The following PCDH12 variants were observed in gnomAD, a reference collection of about 807,000 sequenced individuals.
PCDH12 encodes the protein protocadherin-12.
PCDH12 carries 45 observed loss-of-function variants against 70.9 expected under a neutral mutation model. That is an observed-to-expected ratio of 0.63 (90% CI 0.50 to 0.81). The LOEUF (loss-of-function observed/expected upper bound fraction) is 0.81, where lower values mean the gene tolerates loss of function less well. Among genes scored for constraint, PCDH12 ranks in the 40% least tolerant of loss-of-function variants. The pLI is 0.00. For missense variants in PCDH12, 1,370 were observed against 1,491.7 expected (o/e 0.92, Z 1.34); for synonymous variants, 567 against 626.0 (o/e 0.91, Z 1.41).
In PCDH12 at chr5:141,956,578, T is replaced by A; in HGVS notation, c.1274A>T (p.Lys425Ile). 6.2e-7 allele frequency: 1 copy of A among 1,614,200 alleles called. No homozygotes were observed. The highest frequency in any genetic ancestry group is 8.5e-7 in the Non-Finnish European group (1 of 1,180,044). The change falls in exon 1 of 4, where the codon AAA (lysine) becomes ATA (isoleucine). Residue 425 changes from lysine (K) to isoleucine (I), a missense_variant. Lys to Ile is a moderately radical substitution (Grantham distance 102). Transcript: ENST00000231484. The stretch of plus-strand genomic sequence containing the variant: ...TTGGGCTAACAGAGTGAGGGTATAT[T>A]TGGGCCACTGCTCTCTGTCCAGTGT... ...NATLDREQWP[K>I]YTLTLLAQDQ...
In PCDH12 at chr5:141,956,845, C is replaced by G; in HGVS notation, c.1007G>C (p.Cys336Ser). The G allele has an allele frequency of 6.2e-7, 1 of 1,614,228 alleles. No homozygotes were observed. Among genetic ancestry groups the G allele is most frequent in the Non-Finnish European group, 8.5e-7 (1 of 1,180,042 alleles). ...DLGPNPIPAH[C>S]KVLIKVLDVN... ...ATCCAGAACCTTGATGAGAACTTTG[C>G]AATGGGCTGGGATAGGATTGGGACC... The change falls in exon 1 of 4, where the codon TGC becomes TCC. Residue 336 changes from cysteine to serine, a missense_variant. By Grantham distance (112) the Cys-to-Ser change is moderately radical (BLOSUM62 -1). Transcript: ENST00000231484.
intron 3 of PCDH12, among the ~76,000 whole-genome samples, chr5:141,947,108 T>A (rs1752954972): frequency 1.3e-5 from 2 of 152,232 alleles, no homozygotes; most frequent in South Asian, 4.1e-4. Flanking sequence ...CTTATGTAAT[T>A]TGAACAAGTT....
At chr5:141,951,445 C>T (rs1358039274) in intron 2 of PCDH12, 48 bp downstream of exon 2, 17 of 1,383,500 alleles carry the variant, frequency 1.2e-5, no homozygotes, top group East Asian at 1.1e-4. Context: ...TGATGAGGGG[C>T]GGCCAGTAGG....
At position 141,957,348 on chromosome 5, in the gene PCDH12, G is replaced by A; in HGVS notation, c.504C>T (p.Thr168=). Residue 168 remains threonine (T), a synonymous_variant, in exon 1 of 4, where the codon ACC becomes ACT. Transcript: ENST00000231484. The surrounding 1 kb of genome is among the most constrained non-coding windows in gnomAD (Gnocchi z 4.3). ...RALDPDTGPN[T]LHTYTLSPSE... is the part of the protein sequence containing the mutation. ...TGGGAGACAGAGTGTAGGTGTGCAG[G>A]GTGTTAGGGCCTGTGTCTGGGTCAA... The A allele has an allele frequency of 1.2e-6, 2 of 1,613,802 alleles. No individual in the cohort carries two copies. The highest frequency in any genetic ancestry group is 1.7e-6 in the Non-Finnish European group (2 of 1,179,834).
rs1316161412 is a variant in PCDH12 at position 141,956,085 on chromosome 5, C to T, written c.1767G>A (p.Leu589=). The T allele has an allele frequency of 1.7e-5, 28 of 1,614,038 alleles. No individual in the cohort carries two copies. Among genetic ancestry groups the T allele is most frequent in the Non-Finnish European group, 2.2e-5 (26 of 1,180,018 alleles). Residue 589 remains leucine (L), a synonymous_variant, in exon 1 of 4, where the codon CTG becomes CTA. Coordinates refer to ENST00000231484, the MANE Select transcript of PCDH12 (RefSeq NM_016580.4). ...AGCCATTGGGAGTCTCGATGGGCAC[C>T]AGCAGGTGGCCTGTGGAGGCATTCA... ...VLVNASTGHL[L]VPIETPNGLG...
At chr5:141,954,387 A>C (rs1341398069) in intron 1 of PCDH12, among the ~76,000 whole-genome samples, 2 of 152,230 alleles carry the variant, frequency 1.3e-5, no homozygotes, top group Non-Finnish European at 2.9e-5. Flanking sequence ...GAGATGGAGA[A>C]GTGCTTTGAG....
chr5:141,955,887 C>T lies in PCDH12; in HGVS notation c.1965G>A (p.Gln655=). 1 of 1,614,206 alleles carries T rather than the reference C, an allele frequency of 6.2e-7. No homozygotes were observed. The highest frequency in any genetic ancestry group is 8.5e-7 in the Non-Finnish European group (1 of 1,180,026). ...TGGCATTGGTGACATTGACGAACAG[C>T]TGCCCCGTATGAGGGTTGAGGATGA... ...HLFILNPHTG[Q]LFVNVTNASS... The change falls in exon 1 of 4, where the codon CAG becomes CAA. Residue 655 remains glutamine, a synonymous_variant. Coordinates refer to ENST00000231484, the MANE Select transcript of PCDH12 (RefSeq NM_016580.4). This position sits in a 1 kb window ranked among gnomAD's most constrained non-coding sequence, Gnocchi z 5.5.
rs1292151134 is a variant in PCDH12 at position 141,945,119 on chromosome 5, C to G, written c.*262G>C. ...TGCCAGAGGACTGACCCTTTGTGCTCCACATATGTTTTGCCAGGAAACACT... is the reference window on the plus strand; with the variant it reads ...TGCCAGAGGACTGACCCTTTGTGCTGCACATATGTTTTGCCAGGAAACACT... On this transcript the variant is annotated 3_prime_UTR_variant, in exon 4 of 4. Coordinates refer to ENST00000231484, the MANE Select transcript of PCDH12 (RefSeq NM_016580.4). 3.8e-6 allele frequency: 2 copies of G among 526,474 alleles called. No individual in the cohort carries two copies. Among genetic ancestry groups the G allele is most frequent in the Non-Finnish European group, 6.8e-6 (2 of 296,208 alleles). The allele number at this position is 526,474 out of a possible 1,614,324, so 32.6% of individuals were successfully genotyped here.
chr5:141,951,982 A>G (rs767628988), intron 1 of PCDH12, among the ~76,000 whole-genome samples: 1 of 152,234 alleles, frequency 6.6e-6, no homozygotes, highest in Non-Finnish European at 1.5e-5. Context: ...CAGTATTTGG[A>G]CATTCGGCCA....
At chr5:141,950,461 G>C (rs1475204296) in intron 2 of PCDH12, among the ~76,000 whole-genome samples, 1 of 152,142 alleles carries the variant, frequency 6.6e-6, no homozygotes, top group Non-Finnish European at 1.5e-5. Context: ...GGCCTTATGC[G>C]ATGCAAGGTC....
chr5:141,945,020 G>C lies in PCDH12; in HGVS notation c.*361C>G, dbSNP rs1014346166. 4 of 251,424 alleles carry C rather than the reference G, an allele frequency of 1.6e-5. No individual in the cohort carries two copies. The highest frequency in any genetic ancestry group is 9.0e-5 in the African/African-American group (4 of 44,462). 15.6% of individuals were successfully genotyped at this position (251,424 alleles called of 1,614,324 possible). On this transcript the variant is annotated 3_prime_UTR_variant, in exon 4 of 4. Coordinates refer to ENST00000231484, the MANE Select transcript of PCDH12 (RefSeq NM_016580.4). ...CAGAGAGCATTTCCTGGCACCCCCAGGGTACAGCCCCCTGACTCCTGCTAC... is the reference window on the plus strand; with the variant it reads ...CAGAGAGCATTTCCTGGCACCCCCACGGTACAGCCCCCTGACTCCTGCTAC...
chr5:141,956,012 G>A lies in PCDH12; in HGVS notation c.1840C>T (p.Arg614Trp), dbSNP rs749199639. Residue 614 changes from arginine to tryptophan, a missense_variant, in exon 1 of 4, where the codon CGG (arginine) becomes TGG (tryptophan). Arg to Trp is a moderately radical substitution (Grantham distance 101). Coordinates refer to ENST00000231484, the MANE Select transcript of PCDH12 (RefSeq NM_016580.4). The stretch of plus-strand genomic sequence containing the variant: ...ACAATGGTTGTCAAAAGGAATGGCC[G>A]GGAGCTGTGAGTGGCCAGTGGAGGT... ...DTPPLATHSS[R>W]PFLLTTIVAR... 1.4e-5 allele frequency: 23 copies of A among 1,614,024 alleles called. No homozygotes were observed. Among genetic ancestry groups the A allele is most frequent in the Admixed American group, 5.0e-5 (3 of 59,998 alleles).
Position 141,956,242 on chromosome 5 carries a change from G to A in PCDH12, c.1610C>T (p.Ala537Val). ...EMAGFEFQVI[A>V]EDSGQPMLAS... ...AAGCATGGGTTGCCCGCTGTCCTCT[G>A]CGATCACCTGGAACTCAAAGCCGGC... Residue 537 changes from alanine (A) to valine (V), a missense_variant, in exon 1 of 4, where the codon GCA (alanine) becomes GTA (valine). Transcript: ENST00000231484. 2 of 1,614,200 alleles carry A rather than the reference G, an allele frequency of 1.2e-6. No homozygotes were observed. Among genetic ancestry groups the A allele is most frequent in the Non-Finnish European group, 1.7e-6 (2 of 1,180,032 alleles).
At position 141,945,449 on chromosome 5, in the gene PCDH12, C is replaced by T; in HGVS notation, c.3487G>A (p.Asp1163Asn). Residue 1163 changes from aspartate to asparagine, a missense_variant, in exon 4 of 4, where the codon GAC (aspartate) becomes AAC (asparagine). Asp to Asn is a conservative substitution (Grantham distance 23). Transcript: ENST00000231484. ...SAASGMKVQG[D>N]PGGKTGTEGK... ...TCAGTCCCCGTCTTTCCACCTGGGTCCCCTTGCACTTTCATGCCTGAGGCT... is the reference window on the plus strand; with the variant it reads ...TCAGTCCCCGTCTTTCCACCTGGGTTCCCTTGCACTTTCATGCCTGAGGCT... 1 of 1,613,350 alleles carries T rather than the reference C, an allele frequency of 6.2e-7. No homozygotes were observed. Among genetic ancestry groups the T allele is most frequent in the South Asian group, 1.1e-5 (1 of 91,030 alleles).
In PCDH12 at chr5:141,945,404, T is replaced by C. The variant is rs774165260; in HGVS notation, c.3532A>G (p.Ser1178Gly). The stretch of plus-strand genomic sequence containing the variant: ...GTTCACAGGCACCTGCTGCTGCTGC[T>C]GCTGCCTCTGCTCTTGCCCTCAGTC... Reference protein sequence around the residue: ...TGTEGKSRGSSSSSRCL With the variant: ...TGTEGKSRGSGSSSRCL The change falls in exon 4 of 4, where the codon AGC (serine) becomes GGC (glycine). Residue 1178 changes from serine (S) to glycine (G), a missense_variant. Coordinates refer to ENST00000231484, the MANE Select transcript of PCDH12 (RefSeq NM_016580.4). 12 of 1,612,980 alleles carry C rather than the reference T, an allele frequency of 7.4e-6. No individual in the cohort carries two copies. The highest frequency in any genetic ancestry group is 1.7e-5 in the Admixed American group (1 of 59,966).
rs3747724 is a variant in PCDH12 at position 141,958,064 on chromosome 5, C to T, written c.-213G>A. ...GAAGCGATCTGAGATGTCCAAACGC[C>T]GATCAAGAATTGCCAGGGGAGACCC... is the stretch of plus-strand genomic sequence containing the variant. On this transcript the variant is annotated 5_prime_UTR_variant, in exon 1 of 4. Transcript: ENST00000231484. 0.01 allele frequency: 6,000 copies of T among 586,496 alleles called. 186 individuals are homozygous for T. The highest frequency in any genetic ancestry group is 0.091 in the East Asian group (3,112 of 34,188). 36.3% of individuals were successfully genotyped at this position (586,496 alleles called of 1,614,324 possible).
At position 141,955,141 on chromosome 5, in the gene PCDH12, G is replaced by C. The variant is rs1753155708; in HGVS notation, c.2711C>G (p.Pro904Arg). ...CCGTCTCAGGGTTGCAGAGGAGGCTGGTGGCCTCTGTGGGGCTTCCTCACT... is the reference window on the plus strand; with the variant it reads ...CCGTCTCAGGGTTGCAGAGGAGGCTCGTGGCCTCTGTGGGGCTTCCTCACT... Reference protein sequence around the residue: ...QGSEEAPQRPPASSATLRRQR... With the variant: ...QGSEEAPQRPRASSATLRRQR... The change falls in exon 1 of 4, where the codon CCA becomes CGA. Residue 904 changes from proline (P) to arginine (R), a missense_variant. By Grantham distance (103) the Pro-to-Arg change is moderately radical. Transcript: ENST00000231484. This position sits in a 1 kb window ranked among gnomAD's most constrained non-coding sequence, Gnocchi z 5.5. The C allele has an allele frequency of 6.2e-7, 1 of 1,614,208 alleles. No individual in the cohort carries two copies. Among genetic ancestry groups the C allele is most frequent in the Non-Finnish European group, 8.5e-7 (1 of 1,180,026 alleles).
rs757506463 is a variant in PCDH12, at chr5:141,955,779, C to T, written c.2073G>A (p.Leu691=). ...CCACACTGGTGACAAACATGACCCT[C>T]AACAGGGCTCGGGTCTGTAAGGGGG... ...GSPPLQTRAL[L]RVMFVTSVDH... Residue 691 remains leucine (L), a synonymous_variant, in exon 1 of 4, where the codon TTG becomes TTA. Transcript: ENST00000231484. The surrounding 1 kb of genome is among the most constrained non-coding windows in gnomAD (Gnocchi z 5.5). 17 of 1,613,762 alleles carry T rather than the reference C, an allele frequency of 1.1e-5. No individual in the cohort carries two copies. Among genetic ancestry groups the T allele is most frequent in the Admixed American group, 1.7e-5 (1 of 59,962 alleles).
At chr5:141,952,338 G>C (rs1006602979) in intron 1 of PCDH12, 2 of 152,306 alleles carry the variant, frequency 1.3e-5, no homozygotes, top group African/African-American at 4.8e-5. Flanking sequence ...AAGCAGGGGG[G>C]TGGTACTGGA....
Sources: gnomAD v4.1 joint callset for allele counts (sites outside exome capture counted in the v4.1 genomes callset) on GRCh38, gnomAD v4.1.1 for gene constraint, Gnocchi (gnomAD v3.1) non-coding constraint, MANE v1.5 for transcripts, NCBI Gene and HGNC (gene_info 2026-07-23, HGNC 2026-07-21) for gene names.